Variants in DYNC2H1 observed in about 807,000 individuals in gnomAD.
DYNC2H1 encodes cytoplasmic dynein 2 heavy chain 1.
In DYNC2H1, 410 loss-of-function variants were observed where a neutral mutation model predicts 570.0. The observed-to-expected ratio is 0.72, with a 90% CI of 0.66 to 0.78. The LOEUF is 0.78. Among genes scored for constraint, DYNC2H1 ranks in the 30% least tolerant of loss-of-function variants. DYNC2H1 has a pLI of 0.00. For missense variants in DYNC2H1, 4,865 were observed against 5,046.4 expected, an observed-to-expected ratio of 0.96 and a Z score of 1.09; for synonymous variants, 1,688 against 1,677.6, an observed-to-expected ratio of 1.01 and a Z score of -0.15.
chr11:103,188,793 T>A, intron 44 of DYNC2H1, 145 bp downstream of exon 44: 1 of 601,726 alleles, frequency 1.7e-6, no homozygotes. Flanking sequence ...CCTACCCTTC[T>A]CAAAATATAG....
chr11:103,290,848 TA>T (rs1866566316), intron 75 of DYNC2H1, among the ~76,000 whole-genome samples: 1 of 152,244 alleles, frequency 6.6e-6, no homozygotes, highest in South Asian at 2.1e-4. Flanking sequence ...AGTTATGTTT[TA>T]AAGCTTATGA....
chr11:103,178,712 A>C (rs1202741134), intron 38 of DYNC2H1, among the ~76,000 whole-genome samples: 1 of 152,090 alleles, frequency 6.6e-6, no homozygotes, highest in African/African-American at 2.4e-5. Context: ...AAAGATATAC[A>C]ACAGAGCAAG....
chr11:103,364,868 C>T (rs1388575821), intron 83 of DYNC2H1, among the ~76,000 whole-genome samples: 2 of 152,138 alleles, frequency 1.3e-5, no homozygotes, highest in African/African-American at 4.8e-5. Context: ...CCCAGAATTC[C>T]ACCCACAGGC....
At chr11:103,286,012 A>G (rs1035441662) in intron 73 of DYNC2H1, among the ~76,000 whole-genome samples, 2 of 152,198 alleles carry the variant, frequency 1.3e-5, no homozygotes, top group Admixed American at 1.3e-4. Flanking sequence ...TTACATAGAG[A>G]AAAGATTAAC....
chr11:103,120,468 C>T lies in DYNC2H1; in HGVS notation c.1021C>T (p.His341Tyr), dbSNP rs17301182. 176,763 of 1,608,924 alleles carry T rather than the reference C, an allele frequency of 0.11. 10,485 individuals carry two copies. Among genetic ancestry groups the T allele is most frequent in the Non-Finnish European group, 0.12 (136,151 of 1,176,604 alleles). Residue 341 changes from histidine to tyrosine, a missense_variant, in exon 7 of 89, where the codon CAT becomes TAT. This residue lies in a region of DYNC2H1 where 1,936 missense variants were observed against 1,962.1 expected (regional missense o/e 0.99). Coordinates refer to ENST00000375735, the MANE Select transcript of DYNC2H1 (RefSeq NM_001377.3). ...TTAGGTCTTGGCTATTAGAACAATT[C>T]ATGAGAAGTTTCTCTATTTTCTACC... ...LEEVLAIRTI[H>Y]EKFLYFLPAS...
Position 103,113,704 on chromosome 11 carries a change from A to C in DYNC2H1, c.363A>C (p.Leu121Phe). The C allele has an allele frequency of 6.6e-7, 1 of 1,504,584 alleles. No individual in the cohort carries two copies. Among genetic ancestry groups the C allele is most frequent in the Admixed American group, 2.6e-5 (1 of 38,854 alleles). The allele number at this position is 1,504,584 out of a possible 1,614,324, so 93.2% of individuals were successfully genotyped here. Reference sequence around the variant, plus strand: ...GGCAAGTATTCGCACCAATGTTGTTAAAGGTGAGAAAAGAAGCTGTCATTT... The same window carrying C: ...GGCAAGTATTCGCACCAATGTTGTTCAAGGTGAGAAAAGAAGCTGTCATTT... ...AVRQVFAPML[L>F]KDQEWSRNFD... The change falls in exon 2 of 89, where the codon TTA becomes TTC. Residue 121 changes from leucine to phenylalanine, a missense_variant. Leu to Phe is a conservative substitution (Grantham distance 22). Transcript: ENST00000375735.
intron 17 of DYNC2H1, among the ~76,000 whole-genome samples, chr11:103,140,554 C>G (rs1201886488): frequency 6.6e-6 from 1 of 152,204 alleles, no homozygotes; most frequent in African/African-American, 2.4e-5. Context: ...TCTCTTCTGG[C>G]TTGTAGAGTT....
chr11:103,146,719 C>T (rs888109406), intron 18 of DYNC2H1, among the ~76,000 whole-genome samples: 6 of 152,056 alleles, frequency 3.9e-5, no homozygotes, highest in African/African-American at 1.5e-4. Context: ...TCTCCTACCT[C>T]AGCCTCCTGA....
At chr11:103,308,967 G>T (rs1174706511) in intron 78 of DYNC2H1, among the ~76,000 whole-genome samples, 1 of 151,720 alleles carries the variant, frequency 6.6e-6, no homozygotes, top group African/African-American at 2.4e-5. Flanking sequence ...TCTGTTGATT[G>T]TTCCCAACCT....
At chr11:103,198,420 A>G (rs911714303) in intron 48 of DYNC2H1, among the ~76,000 whole-genome samples, 1 of 152,156 alleles carries the variant, frequency 6.6e-6, no homozygotes, top group Admixed American at 6.5e-5. Context: ...CTTAAGTGTC[A>G]GATTCATTAG....
At chr11:103,152,113 G>GC in intron 20 of DYNC2H1, 23 bp from the exon 21 acceptor site, 1 of 1,369,218 alleles carries the variant, frequency 7.3e-7, no homozygotes, top group Non-Finnish European at 9.9e-7. Context: ...TATTCAATTT[G>GC]TTTTTTTTTT....
chr11:103,109,465 C>A lies in DYNC2H1; in HGVS notation c.-110C>A, dbSNP rs1345002906. The stretch of plus-strand genomic sequence containing the variant: ...TGGCAACCGCGAAGCTCTGCGGTCC[C>A]GCGGTCGGGCTACGGGTTTGAGCAA... On this transcript the variant is annotated 5_prime_UTR_variant, in exon 1 of 89. Transcript: ENST00000375735. The A allele has an allele frequency of 1.8e-6, 2 of 1,092,234 alleles. No individual in the cohort carries two copies. Among genetic ancestry groups the A allele is most frequent in the Non-Finnish European group, 2.5e-6 (2 of 785,250 alleles). 67.7% of individuals were successfully genotyped at this position (1,092,234 alleles called of 1,614,324 possible).
chr11:103,215,828 T>A lies in DYNC2H1; in HGVS notation c.8802T>A (p.Ala2934=). 1 of 1,612,792 alleles carries A rather than the reference T, an allele frequency of 6.2e-7. No individual in the cohort carries two copies. Among genetic ancestry groups the A allele is most frequent in the East Asian group, 2.2e-5 (1 of 44,760 alleles). ...AAACGAAGCAAGATGAAGCAGATGC[T>A]GCCCTTCAAATGATCACAGTGTCAA... ...LLKTKQDEAD[A]ALQMITVSMQ... The change falls in exon 55 of 89, where the codon GCT becomes GCA. Residue 2934 remains alanine, a synonymous_variant. Transcript: ENST00000375735.
At chr11:103,109,843 G>C in intron 1 of DYNC2H1, 74 bp downstream of exon 1, 1 of 1,465,070 alleles carries the variant, frequency 6.8e-7, no homozygotes, top group Non-Finnish European at 9.2e-7. Context: ...GGGACGTCGG[G>C]TCACACTCTT....
intron 83 of DYNC2H1, among the ~76,000 whole-genome samples, chr11:103,397,374 A>C (rs1221822898): frequency 2.0e-5 from 3 of 152,192 alleles, no homozygotes; most frequent in Non-Finnish European, 4.4e-5. Flanking sequence ...GTTTCATCAA[A>C]AAGCATACTG....
At chr11:103,149,882 G>C (rs562134559) in intron 20 of DYNC2H1, among the ~76,000 whole-genome samples, 1 of 152,228 alleles carries the variant, frequency 6.6e-6, no homozygotes, top group African/African-American at 2.4e-5. Context: ...TAGGGTGGGT[G>C]ATCATGGGAT....
rs1168356174 is a variant in DYNC2H1 at position 103,239,570 on chromosome 11, C to T, written c.9819+3031C>T. Among the ~76,000 whole-genome samples, 1 of 151,984 alleles carries T rather than the reference C, an allele frequency of 6.6e-6. No individual in the cohort carries two copies. The highest frequency in any genetic ancestry group is 6.6e-5 in the Admixed American group (1 of 15,242). The stretch of plus-strand genomic sequence containing the variant: ...GAGTTAATTCACTTGTCTAAGGTCA[C>T]ATGGCTATCAAGTGGTAGAGCCAGG... On this transcript the variant is annotated intron_variant, in intron 63 of 88. Transcript: ENST00000375735. The surrounding 1 kb of genome is among the most constrained non-coding windows in gnomAD (Gnocchi z 4.3).
At chr11:103,412,989 T>C (rs747492853) in intron 84 of DYNC2H1, among the ~76,000 whole-genome samples, 1 of 151,742 alleles carries the variant, frequency 6.6e-6, no homozygotes. Context: ...GGCAGAAATA[T>C]GAATTCTTGT....
At chr11:103,259,851 A>C in intron 69 of DYNC2H1, 37 bp from the exon 70 acceptor site, 3 of 1,369,496 alleles carry the variant, frequency 2.2e-6, no homozygotes, top group Non-Finnish European at 3.0e-6. Context: ...TTAAATGTTT[A>C]TAAATTTCCT....
Sources: gnomAD v4.1 joint callset for allele counts (sites outside exome capture counted in the v4.1 genomes callset) on GRCh38, gnomAD v4.1.1 for gene constraint, gnomAD v4.1.1 regional missense constraint, Gnocchi (gnomAD v3.1) non-coding constraint, MANE v1.5 for transcripts, NCBI Gene and HGNC (gene_info 2026-07-23, HGNC 2026-07-21) for gene names.